WWOX: variants seen among roughly 807,000 people sequenced by gnomAD.
The protein encoded by WWOX is WW domain-containing oxidoreductase.
In WWOX, 69 loss-of-function variants were observed where a neutral mutation model predicts 46.2. The observed-to-expected ratio is 1.49, with a 90% CI of 1.23 to 1.82. The LOEUF (loss-of-function observed/expected upper bound fraction) is 1.82, where lower values mean the gene tolerates loss of function less well. Ranked by LOEUF, WWOX falls within the 40% of genes most tolerant of loss-of-function variation. The pLI is 0.00. For synonymous variants in WWOX, 359 were observed against 202.6 expected, an observed-to-expected ratio of 1.77 and a Z score of -6.56; for missense variants, 919 against 542.6, an observed-to-expected ratio of 1.69 and a Z score of -6.89.
chr16:78,943,115 A>G (rs371288331), intron 8 of WWOX, among the ~76,000 whole-genome samples: 2 of 152,332 alleles, frequency 1.3e-5, no homozygotes, highest in East Asian at 3.9e-4. Flanking sequence ...TTAGCTAGAC[A>G]GCGAATCAAG....
In WWOX at chr16:78,773,975, A is replaced by C. The variant is rs150569170; in HGVS notation, c.1056+341223A>C. ...ACATGACTCTGAAAGCATGTGGCTGAAATGAGACTCTTTCACACTGTTTAA... is the reference window on the plus strand; with the variant it reads ...ACATGACTCTGAAAGCATGTGGCTGCAATGAGACTCTTTCACACTGTTTAA... On this transcript the variant is annotated intron_variant, in intron 8 of 8. Transcript: ENST00000566780. Among the ~76,000 whole-genome samples the C allele has an allele frequency of 3.9e-3, 600 of 152,352 alleles. 6 individuals carry two copies. Among genetic ancestry groups the C allele is most frequent in the South Asian group, 0.02 (96 of 4,830 alleles).
Position 79,119,805 on chromosome 16 carries a change from A to G in WWOX, c.1057-91803A>G, listed in dbSNP as rs532328256. On this transcript the variant is annotated intron_variant, in intron 8 of 8. Coordinates refer to ENST00000566780, the MANE Select transcript of WWOX (RefSeq NM_016373.4). Reference sequence around the variant, plus strand: ...GAACCCTATTAACCTCATAGGGAAGACACTAGGATCAAGAGGCCAGAGAAG... The same window carrying G: ...GAACCCTATTAACCTCATAGGGAAGGCACTAGGATCAAGAGGCCAGAGAAG... Among the ~76,000 whole-genome samples the G allele has an allele frequency of 7.2e-5, 11 of 152,298 alleles. No homozygotes were observed. In the South Asian group the frequency reaches 2.3e-3, roughly 32 times the overall value.
intron 8 of WWOX, 92 bp downstream of exon 8, chr16:78,432,844 A>C: frequency 6.3e-7 from 1 of 1,585,984 alleles, no homozygotes; most frequent in South Asian, 1.1e-5. Context: ...TGCGGGCATG[A>C]GTCTGGTCTC....
At chr16:78,579,255 C>A (rs925651166) in intron 8 of WWOX, among the ~76,000 whole-genome samples, 1 of 152,074 alleles carries the variant, frequency 6.6e-6, no homozygotes, top group Non-Finnish European at 1.5e-5. Context: ...GTCACAGTTT[C>A]GTCAAGGAGA....
chr16:78,292,945 T>G (rs1308407413), intron 5 of WWOX, among the ~76,000 whole-genome samples: 2 of 152,206 alleles, frequency 1.3e-5, no homozygotes, highest in South Asian at 2.1e-4. Flanking sequence ...CACAGCCTCA[T>G]GGAGACACCT....
chr16:78,820,359 G>T (rs1327742909), intron 8 of WWOX, among the ~76,000 whole-genome samples: 1 of 152,124 alleles, frequency 6.6e-6, no homozygotes, highest in Non-Finnish European at 1.5e-5. Flanking sequence ...CCCTGAATAC[G>T]CCAGAAATAA....
At chr16:78,526,641 C>T (rs186918047) in intron 8 of WWOX, 1 of 152,432 alleles carries the variant, frequency 6.6e-6, no homozygotes, top group East Asian at 1.9e-4. Context: ...AGGCTTTTCT[C>T]TCAGTCACCA....
chr16:78,789,638 G>A (rs1321164906), intron 8 of WWOX, among the ~76,000 whole-genome samples: 6 of 152,048 alleles, frequency 3.9e-5, no homozygotes, highest in African/African-American at 1.4e-4. Flanking sequence ...TGGGTCCCTT[G>A]TATTTCCATT....
intron 5 of WWOX, among the ~76,000 whole-genome samples, chr16:78,171,410 T>C (rs1567610970): frequency 2.0e-5 from 3 of 152,206 alleles, no homozygotes; most frequent in Admixed American, 6.5e-5. Context: ...CACTAAAAGC[T>C]TAAGTCCCAT....
At chr16:78,622,936 C>G (rs2046224909) in intron 8 of WWOX, among the ~76,000 whole-genome samples, 2 of 152,206 alleles carry the variant, frequency 1.3e-5, no homozygotes, top group Admixed American at 1.3e-4. Flanking sequence ...AGTAAGCTGC[C>G]TTGCAGTAAG....
At chr16:78,686,598 C>T (rs1365517310) in intron 8 of WWOX, among the ~76,000 whole-genome samples, 1 of 151,972 alleles carries the variant, frequency 6.6e-6, no homozygotes, top group Admixed American at 6.6e-5. Context: ...GGGAGTGGGC[C>T]CAGCTATTTG....
chr16:78,575,176 G>T (rs2044846684), intron 8 of WWOX, among the ~76,000 whole-genome samples: 1 of 135,878 alleles, frequency 7.4e-6, no homozygotes, highest in Non-Finnish European at 1.6e-5. Flanking sequence ...TTGCTGTCTG[G>T]AATCCTCCTT....
intron 8 of WWOX, chr16:78,525,129 G>T (rs1308376184): frequency 6.7e-6 from 1 of 150,138 alleles, no homozygotes; most frequent in Non-Finnish European, 1.5e-5. Context: ...GTCTCTCCAA[G>T]TGCTGGGATT....
intron 5 of WWOX, chr16:78,355,416 C>T (rs2081263918): frequency 3.6e-6 from 1 of 278,070 alleles, no homozygotes; most frequent in Non-Finnish European, 7.0e-6. Flanking sequence ...TCCTGGCTAA[C>T]ACGGTGAAAC....
rs147978596 is a variant in WWOX at position 78,967,608 on chromosome 16, C to A, written c.1057-244000C>A. 4.9e-4 allele frequency among the ~76,000 whole-genome samples: 75 copies of A among 151,886 alleles called. No homozygotes were observed. In the East Asian group the frequency reaches 0.013, roughly 26 times the overall value. Reference sequence around the variant, plus strand: ...GTGTGAGCCACTATGCCCAATACCCCCTATGTAGACTTTTAAAGAAATACA... The same window carrying A: ...GTGTGAGCCACTATGCCCAATACCCACTATGTAGACTTTTAAAGAAATACA... On this transcript the variant is annotated intron_variant, in intron 8 of 8. Coordinates refer to ENST00000566780, the MANE Select transcript of WWOX (RefSeq NM_016373.4).
At chr16:79,114,426 ATACC>A (rs1350565290) in intron 8 of WWOX, among the ~76,000 whole-genome samples, 2 of 151,502 alleles carry the variant, frequency 1.3e-5, no homozygotes, top group Non-Finnish European at 2.9e-5. Flanking sequence ...ATGCATGCAC[ATACC>A]TACATGCACA....
intron 5 of WWOX, among the ~76,000 whole-genome samples, chr16:78,352,947 T>C (rs2081213825): frequency 6.6e-6 from 1 of 152,250 alleles, no homozygotes; most frequent in South Asian, 2.1e-4. Flanking sequence ...TTTTATTCTT[T>C]AATGATTTTT....
intron 8 of WWOX, among the ~76,000 whole-genome samples, chr16:78,456,553 C>G (rs555292483): frequency 6.6e-6 from 1 of 152,076 alleles, no homozygotes; most frequent in Non-Finnish European, 1.5e-5. Flanking sequence ...TAATATAGAA[C>G]AATATTTTAA....
chr16:78,393,633 G>A (rs938355176), intron 6 of WWOX, among the ~76,000 whole-genome samples: 1 of 152,200 alleles, frequency 6.6e-6, no homozygotes, highest in South Asian at 2.1e-4. Flanking sequence ...TTACTGGTCA[G>A]CTTGTATAAT....
Sources: gnomAD v4.1 joint callset for allele counts (sites outside exome capture counted in the v4.1 genomes callset) on GRCh38, gnomAD v4.1.1 for gene constraint, MANE v1.5 for transcripts, NCBI Gene and HGNC (gene_info 2026-07-23, HGNC 2026-07-21) for gene names.